The following OSBPL8 variants were observed in gnomAD, a reference collection of about 807,000 sequenced individuals.
OSBPL8 encodes the protein oxysterol binding protein like 8.
In OSBPL8, 59 loss-of-function variants were observed where a neutral mutation model predicts 125.5. That is an observed-to-expected ratio of 0.47 (90% CI 0.38 to 0.58). The LOEUF is 0.58. Ranked by LOEUF, OSBPL8 falls within the 20% of genes least tolerant of loss-of-function variation. OSBPL8 has a pLI of 0.00. For missense variants in OSBPL8, 758 were observed against 1,047.8 expected (o/e 0.72, Z 3.82); for synonymous variants, 330 against 338.9 (o/e 0.97, Z 0.29).
chr12:76,492,670 T>C (rs1592782367), intron 1 of OSBPL8, among the ~76,000 whole-genome samples: 1 of 152,210 alleles, frequency 6.6e-6, no homozygotes, highest in East Asian at 1.9e-4. Context: ...ATCTGCTCCT[T>C]ATGAGAATCT....
chr12:76,549,290 A>G (rs761865765), intron 1 of OSBPL8, among the ~76,000 whole-genome samples: 1 of 152,260 alleles, frequency 6.6e-6, no homozygotes, highest in Admixed American at 6.5e-5. Flanking sequence ...ACAGCCAAAC[A>G]AAACAAAAAT....
chr12:76,531,570 C>T (rs17198264), intron 1 of OSBPL8, among the ~76,000 whole-genome samples: 75,732 of 151,918 alleles, frequency 0.5, 20,331 homozygotes, highest in African/African-American at 0.68. Context: ...GTGAAGAGTA[C>T]TGTGTATATA....
At chr12:76,501,472 A>T (rs768695058) in intron 1 of OSBPL8, among the ~76,000 whole-genome samples, 3 of 152,256 alleles carry the variant, frequency 2.0e-5, no homozygotes, top group East Asian at 3.8e-4. Flanking sequence ...CTGGGCCTTT[A>T]TAGTGAAGAT....
chr12:76,441,562 A>C (rs1872183103), intron 4 of OSBPL8, among the ~76,000 whole-genome samples: 1 of 152,158 alleles, frequency 6.6e-6, no homozygotes, highest in African/African-American at 2.4e-5. Flanking sequence ...AGGAGATTTC[A>C]ATCTGTCCGA....
At chr12:76,361,749 C>T (rs746370998) in intron 21 of OSBPL8, among the ~76,000 whole-genome samples, 1 of 152,132 alleles carries the variant, frequency 6.6e-6, no homozygotes, top group Non-Finnish European at 1.5e-5. Context: ...CTGATAAAAC[C>T]AGCAGATCTC....
intron 2 of OSBPL8, among the ~76,000 whole-genome samples, chr12:76,471,292 A>C (rs566470015): frequency 1.3e-5 from 2 of 152,266 alleles, no homozygotes; most frequent in East Asian, 3.9e-4. Flanking sequence ...CAGTATGTCC[A>C]AAACCGACTT....
intron 4 of OSBPL8, among the ~76,000 whole-genome samples, chr12:76,420,476 CA>C (rs1268843908): frequency 3.9e-5 from 6 of 151,910 alleles, no homozygotes; most frequent in Admixed American, 2.0e-4. Context: ...ACTATGGGTA[CA>C]GGGGCAGGGG....
intron 16 of OSBPL8, 56 bp downstream of exon 16, chr12:76,378,396 A>C: frequency 8.3e-7 from 1 of 1,205,424 alleles, no homozygotes; most frequent in Non-Finnish European, 1.2e-6. Flanking sequence ...TCACAGCTAC[A>C]TACATTTACT....
At chr12:76,446,019 A>C (rs1479357825) in intron 4 of OSBPL8, among the ~76,000 whole-genome samples, 1 of 152,198 alleles carries the variant, frequency 6.6e-6, no homozygotes, top group Non-Finnish European at 1.5e-5. Flanking sequence ...CATACTATGT[A>C]GACTTGTAAA....
chr12:76,536,306 G>C (rs1177562846), intron 1 of OSBPL8, among the ~76,000 whole-genome samples: 1 of 151,712 alleles, frequency 6.6e-6, no homozygotes, highest in Non-Finnish European at 1.5e-5. Flanking sequence ...GGCCAACATG[G>C]TGAAACTAAA....
intron 19 of OSBPL8, chr12:76,371,166 TA>T (rs1197010412): frequency 9.3e-6 from 2 of 215,812 alleles, no homozygotes; most frequent in Non-Finnish European, 1.8e-5. Context: ...ATTAGTCCTG[TA>T]ATCTTATTTA....
At chr12:76,412,056 A>T (rs1868256700) in intron 4 of OSBPL8, among the ~76,000 whole-genome samples, 1 of 152,172 alleles carries the variant, frequency 6.6e-6, no homozygotes, top group African/African-American at 2.4e-5. Context: ...CCATCAAAAG[A>T]GAGGCACAAG....
At chr12:76,402,220 A>G (rs367890962) in intron 6 of OSBPL8, among the ~76,000 whole-genome samples, 5 of 152,186 alleles carry the variant, frequency 3.3e-5, no homozygotes, top group Non-Finnish European at 7.3e-5. Flanking sequence ...CCACTCAGGA[A>G]GGTAAGCCCA....
intron 4 of OSBPL8, among the ~76,000 whole-genome samples, chr12:76,414,687 A>G (rs757999120): frequency 1.1e-4 from 17 of 151,910 alleles, no homozygotes; most frequent in Non-Finnish European, 2.5e-4. Context: ...TCCTGGGCTC[A>G]AGCAATCCTC....
At chr12:76,443,029 C>T (rs1872367600) in intron 4 of OSBPL8, among the ~76,000 whole-genome samples, 1 of 152,074 alleles carries the variant, frequency 6.6e-6, no homozygotes, top group African/African-American at 2.4e-5. Flanking sequence ...TTTAAGAGAA[C>T]GTACTAAGGG....
At chr12:76,533,187 ATTCAT>A (rs1394577729) in intron 1 of OSBPL8, among the ~76,000 whole-genome samples, 1 of 152,234 alleles carries the variant, frequency 6.6e-6, no homozygotes, top group East Asian at 1.9e-4. Context: ...ATAGCATAGT[ATTCAT>A]TTATGTGTTT....
rs1344568186 is a variant in OSBPL8 at position 76,364,588 on chromosome 12, G to A, written c.2328+4626C>T. Among the ~76,000 whole-genome samples the A allele has an allele frequency of 3.3e-5, 5 of 152,228 alleles. No individual in the cohort carries two copies. In the East Asian group the frequency reaches 7.7e-4, roughly 24 times the overall value. On this transcript the variant is annotated intron_variant, in intron 21 of 23. Coordinates refer to ENST00000261183, the MANE Select transcript of OSBPL8 (RefSeq NM_020841.5). ...TGGGTGCAGCAAACCACCATGGCAC[G>A]TGTCTACCTATGTAACAAACCTGCA...
At chr12:76,480,236 G>A (rs1256593090) in intron 2 of OSBPL8, among the ~76,000 whole-genome samples, 1 of 149,748 alleles carries the variant, frequency 6.7e-6, no homozygotes, top group Non-Finnish European at 1.5e-5. Context: ...ATAATTATCT[G>A]ACTAAAGAGT....
chr12:76,506,265 T>C (rs964176899), intron 1 of OSBPL8, among the ~76,000 whole-genome samples: 1 of 152,160 alleles, frequency 6.6e-6, no homozygotes, highest in African/African-American at 2.4e-5. Flanking sequence ...GGAGCTCCTT[T>C]TGGACTTGTT....
Sources: allele counts gnomAD v4.1 joint callset (sites outside exome capture counted in the v4.1 genomes callset), GRCh38; gene constraint gnomAD v4.1.1; transcripts MANE v1.5; gene names NCBI Gene and HGNC (gene_info 2026-07-23, HGNC 2026-07-21).